BLOC1S4: variants seen among roughly 807,000 people sequenced by gnomAD.
BLOC1S4 encodes the protein biogenesis of lysosomal organelles complex 1 subunit 4.
For missense variants in BLOC1S4, 332 were observed against 308.8 expected (o/e 1.07, Z -0.56); for synonymous variants, 179 against 143.7 (o/e 1.25, Z -1.76).
chr4:6,716,556 A>G lies in BLOC1S4; in HGVS notation c.347A>G (p.Glu116Gly), dbSNP rs1714912780. The G allele has an allele frequency of 6.3e-7, 1 of 1,574,934 alleles. No individual in the cohort carries two copies. The highest frequency in any genetic ancestry group is 1.8e-5 in the Admixed American group (1 of 55,232). Residue 116 changes from glutamate (E) to glycine (G), a missense_variant, in exon 1 of 1, where the codon GAG becomes GGG. Glu to Gly is a moderately conservative substitution (Grantham distance 98). Coordinates refer to ENST00000320776, the MANE Select transcript of BLOC1S4 (RefSeq NM_018366.3). ...GGCGACTCGTCCCACGTCGTCAGCG[A>G]GGGCGTGCCGCGCATCCACGCGAAG... ...LRGDSSHVVS[E>G]GVPRIHAKAA...
Position 6,716,301 on chromosome 4 carries a change from G to C in BLOC1S4, c.92G>C (p.Gly31Ala). The C allele has an allele frequency of 8.1e-7, 1 of 1,234,164 alleles. No homozygotes were observed. Among genetic ancestry groups the C allele is most frequent in the Non-Finnish European group, 1.0e-6 (1 of 989,524 alleles). The allele number at this position is 1,234,164 out of a possible 1,614,324, so 76.5% of individuals were successfully genotyped here. Residue 31 changes from glycine to alanine, a missense_variant, in exon 1 of 1, where the codon GGC (glycine) becomes GCC (alanine). Coordinates refer to ENST00000320776, the MANE Select transcript of BLOC1S4 (RefSeq NM_018366.3). ...GGCGCCGCCTGGAGCGGGGACAGTG[G>C]CACTGTTTCCCAGAGCCACAGCAGC... ...PQGAAWSGDS[G>A]TVSQSHSSAS...
At position 6,716,585 on chromosome 4, in the gene BLOC1S4, G is replaced by C; in HGVS notation, c.376G>C (p.Ala126Pro). The C allele has an allele frequency of 6.3e-7, 1 of 1,597,296 alleles. No homozygotes were observed. The highest frequency in any genetic ancestry group is 2.3e-5 in the East Asian group (1 of 44,338). ...EGVPRIHAKAAEMRRIYSRID... is the reference protein window; with the variant it reads ...EGVPRIHAKAPEMRRIYSRID... The stretch of plus-strand genomic sequence containing the variant: ...CGTGCCGCGCATCCACGCGAAGGCC[G>C]CCGAGATGCGGCGCATCTACAGCAG... Residue 126 changes from alanine to proline, a missense_variant, in exon 1 of 1, where the codon GCC (alanine) becomes CCC (proline). Transcript: ENST00000320776.
chr4:6,716,827 C>T lies in BLOC1S4; in HGVS notation c.618C>T (p.Asp206=). ...YEAPVLFRTE[D]YFPCCSERPQ... is the part of the protein sequence containing the mutation. ...CCCCCGTCCTGTTTCGGACCGAAGACTACTTCCCTTGTTGCAGTGAAAGGC... is the reference window on the plus strand; with the variant it reads ...CCCCCGTCCTGTTTCGGACCGAAGATTACTTCCCTTGTTGCAGTGAAAGGC... The change falls in exon 1 of 1, where the codon GAC becomes GAT. Residue 206 remains aspartate, a synonymous_variant. Transcript: ENST00000320776. 1.9e-6 allele frequency: 3 copies of T among 1,609,022 alleles called. No individual in the cohort carries two copies. Among genetic ancestry groups the T allele is most frequent in the South Asian group, 1.1e-5 (1 of 90,910 alleles).
rs780062460 is a variant in BLOC1S4 at position 6,716,707 on chromosome 4, C to T, written c.498C>T (p.Phe166=). The part of the protein sequence containing the change: ...VTKAEAELGT[F]PRAFKKLLHT... ...AGGCCGAGGCCGAGCTGGGCACCTT[C>T]CCCAGGGCGTTCAAGAAGCTCCTGC... Residue 166 remains phenylalanine, a synonymous_variant, in exon 1 of 1, where the codon TTC becomes TTT. Transcript: ENST00000320776. 12 of 1,612,956 alleles carry T rather than the reference C, an allele frequency of 7.4e-6. No individual in the cohort carries two copies. Among genetic ancestry groups the T allele is most frequent in the Non-Finnish European group, 8.5e-7 (1 of 1,179,906 alleles).
Position 6,716,205 on chromosome 4 carries a change from G to A in BLOC1S4, c.-5G>A. Reference sequence around the variant, plus strand: ...GAGCGCTGCGCAGTCGGGTGGTCGCGGGCCATGGAGGGTAGCTTTTCGGAT... The same window carrying A: ...GAGCGCTGCGCAGTCGGGTGGTCGCAGGCCATGGAGGGTAGCTTTTCGGAT... On this transcript the variant is annotated 5_prime_UTR_variant, in exon 1 of 1. Transcript: ENST00000320776. The A allele has an allele frequency of 8.1e-7, 1 of 1,233,074 alleles. No homozygotes were observed. Among genetic ancestry groups the A allele is most frequent in the South Asian group, 4.1e-5 (1 of 24,322 alleles). The allele number at this position is 1,233,074 out of a possible 1,614,324, so 76.4% of individuals were successfully genotyped here.
Position 6,717,481 on chromosome 4 carries a change from T to C in BLOC1S4, c.*618T>C, listed in dbSNP as rs1326572424. 1.8e-5 allele frequency: 3 copies of C among 166,810 alleles called. No individual in the cohort carries two copies. Among genetic ancestry groups the C allele is most frequent in the Non-Finnish European group, 4.4e-5 (3 of 68,122 alleles). 10.3% of individuals were successfully genotyped at this position (166,810 alleles called of 1,614,324 possible). A position where few individuals can be genotyped will look rare whatever the true frequency, so the allele number is the denominator to read the frequency against. On this transcript the variant is annotated 3_prime_UTR_variant, in exon 1 of 1. Transcript: ENST00000320776. ...AAATGGTACAATTTCTGAGAATATA[T>C]GTTGATTTTTTGTGACTAATTCCAA... is the stretch of plus-strand genomic sequence containing the variant.
rs905927102 is a variant in BLOC1S4, at chr4:6,716,449, C to G, written c.240C>G (p.Pro80=). Residue 80 remains proline (P), a synonymous_variant, in exon 1 of 1, where the codon CCC becomes CCG. Coordinates refer to ENST00000320776, the MANE Select transcript of BLOC1S4 (RefSeq NM_018366.3). ...ACLLPGAGAR[P]EVEALDASLE... ...TGCTGCCCGGGGCCGGGGCGCGGCC[C>G]GAGGTCGAGGCCCTGGACGCGAGCC... is the stretch of plus-strand genomic sequence containing the variant. 4 of 1,532,660 alleles carry G rather than the reference C, an allele frequency of 2.6e-6. No homozygotes were observed. Among genetic ancestry groups the G allele is most frequent in the South Asian group, 1.2e-5 (1 of 83,848 alleles). 94.9% of individuals were successfully genotyped at this position (1,532,660 alleles called of 1,614,324 possible). A position where few individuals can be genotyped will look rare whatever the true frequency, so the allele number is the denominator to read the frequency against.
chr4:6,716,770 T>G lies in BLOC1S4; in HGVS notation c.561T>G (p.Ala187=), dbSNP rs1196257816. The G allele has an allele frequency of 6.2e-7, 1 of 1,613,920 alleles. No homozygotes were observed. Among genetic ancestry groups the G allele is most frequent in the South Asian group, 1.1e-5 (1 of 91,054 alleles). ...MNVPSLFSKS[A]PSRPQQAGYE... ...TGCCCTCGCTCTTTAGCAAGTCTGCTCCCTCGAGGCCACAGCAAGCCGGCT... is the reference window on the plus strand; with the variant it reads ...TGCCCTCGCTCTTTAGCAAGTCTGCGCCCTCGAGGCCACAGCAAGCCGGCT... Residue 187 remains alanine, a synonymous_variant, in exon 1 of 1, where the codon GCT becomes GCG. Coordinates refer to ENST00000320776, the MANE Select transcript of BLOC1S4 (RefSeq NM_018366.3).
Position 6,716,693 on chromosome 4 carries a change from G to A in BLOC1S4, c.484G>A (p.Glu162Lys), listed in dbSNP as rs780984539. Residue 162 changes from glutamate (E) to lysine (K), a missense_variant, in exon 1 of 1, where the codon GAG becomes AAG. Coordinates refer to ENST00000320776, the MANE Select transcript of BLOC1S4 (RefSeq NM_018366.3). ...GGAGCAGGTCACCAAGGCCGAGGCCGAGCTGGGCACCTTCCCCAGGGCGTT... is the reference window on the plus strand; with the variant it reads ...GGAGCAGGTCACCAAGGCCGAGGCCAAGCTGGGCACCTTCCCCAGGGCGTT... ...MEEQVTKAEA[E>K]LGTFPRAFKK... is the part of the protein sequence containing the mutation. The A allele has an allele frequency of 1.9e-6, 3 of 1,612,494 alleles. No homozygotes were observed. The highest frequency in any genetic ancestry group is 2.7e-5 in the African/African-American group (2 of 74,958).
In BLOC1S4 at chr4:6,717,072, G is replaced by A; in HGVS notation, c.*209G>A. ...AGTTTAAAAAAAGAGACAGGGTCTT[G>A]GTATGTTGCCCAGACTGTTCGGAAA... On this transcript the variant is annotated 3_prime_UTR_variant, in exon 1 of 1. Transcript: ENST00000320776. 1 of 535,330 alleles carries A rather than the reference G, an allele frequency of 1.9e-6. No individual in the cohort carries two copies. The highest frequency in any genetic ancestry group is 3.3e-6 in the Non-Finnish European group (1 of 300,894). The allele number at this position is 535,330 out of a possible 1,614,324, so 33.2% of individuals were successfully genotyped here. A position where few individuals can be genotyped will look rare whatever the true frequency, so the allele number is the denominator to read the frequency against.
chr4:6,717,573 G>GTA lies in BLOC1S4; in HGVS notation c.*720_*721dup, dbSNP rs1006346509. On this transcript the variant is annotated 3_prime_UTR_variant, in exon 1 of 1. Transcript: ENST00000320776. ...ATAGCAAACATATGTGTGTGTGTGT[G>GTA]TATATATATATGTGGGTTGCCAATG... 15 of 165,932 alleles carry GTA rather than the reference G, an allele frequency of 9.0e-5. No individual in the cohort carries two copies. The highest frequency in any genetic ancestry group is 3.3e-4 in the Admixed American group (5 of 15,258). The allele number at this position is 165,932 out of a possible 1,614,324, so 10.3% of individuals were successfully genotyped here. A position where few individuals can be genotyped will look rare whatever the true frequency, so the allele number is the denominator to read the frequency against.
Position 6,716,821 on chromosome 4 carries a change from C to T in BLOC1S4, c.612C>T (p.Thr204=), listed in dbSNP as rs35013424. 9.3e-4 allele frequency: 1,500 copies of T among 1,611,896 alleles called. 11 individuals are homozygous for T. In the African/African-American group the frequency reaches 0.018, roughly 19 times the overall value. ...ACGAAGCCCCCGTCCTGTTTCGGAC[C>T]GAAGACTACTTCCCTTGTTGCAGTG... ...AGYEAPVLFR[T]EDYFPCCSER... Residue 204 remains threonine, a synonymous_variant, in exon 1 of 1, where the codon ACC becomes ACT. Transcript: ENST00000320776.
chr4:6,716,618 C>G lies in BLOC1S4; in HGVS notation c.409C>G (p.Arg137Gly), dbSNP rs757818154. Residue 137 changes from arginine to glycine, a missense_variant, in exon 1 of 1, where the codon CGG becomes GGG. Arg to Gly is a moderately radical substitution (Grantham distance 125). Coordinates refer to ENST00000320776, the MANE Select transcript of BLOC1S4 (RefSeq NM_018366.3). ...GCGGCGCATCTACAGCAGGATCGAC[C>G]GGCTGGAGGCCTTCGTGAGGATGGT... ...EMRRIYSRID[R>G]LEAFVRMVGG... The G allele has an allele frequency of 6.8e-6, 11 of 1,607,182 alleles. No homozygotes were observed. In the South Asian group the frequency reaches 8.8e-5, roughly 13 times the overall value.
Position 6,716,289 on chromosome 4 carries a change from G to T in BLOC1S4, c.80G>T (p.Ser27Ile), listed in dbSNP as rs1410079449. The T allele has an allele frequency of 8.1e-7, 1 of 1,233,318 alleles. No individual in the cohort carries two copies. Among genetic ancestry groups the T allele is most frequent in the East Asian group, 3.2e-5 (1 of 31,640 alleles). The allele number at this position is 1,233,318 out of a possible 1,614,324, so 76.4% of individuals were successfully genotyped here. A position where few individuals can be genotyped will look rare whatever the true frequency, so the allele number is the denominator to read the frequency against. ...EEAEPQGAAWSGDSGTVSQSH... is the reference protein window; with the variant it reads ...EEAEPQGAAWIGDSGTVSQSH... Reference sequence around the variant, plus strand: ...GCCGAGCCGCAGGGCGCCGCCTGGAGCGGGGACAGTGGCACTGTTTCCCAG... The same window carrying T: ...GCCGAGCCGCAGGGCGCCGCCTGGATCGGGGACAGTGGCACTGTTTCCCAG... The change falls in exon 1 of 1, where the codon AGC becomes ATC. Residue 27 changes from serine to isoleucine, a missense_variant. By Grantham distance (142) the Ser-to-Ile change is moderately radical (BLOSUM62 -2). Transcript: ENST00000320776.
In BLOC1S4 at chr4:6,716,633, G is replaced by T. The variant is rs1241339855; in HGVS notation, c.424G>T (p.Val142Leu). Residue 142 changes from valine to leucine, a missense_variant, in exon 1 of 1, where the codon GTG becomes TTG. By Grantham distance (32) the Val-to-Leu change is conservative. Transcript: ENST00000320776. ...YSRIDRLEAF[V>L]RMVGGRVARM... Reference sequence around the variant, plus strand: ...CAGGATCGACCGGCTGGAGGCCTTCGTGAGGATGGTGGGGGGCCGCGTGGC... The same window carrying T: ...CAGGATCGACCGGCTGGAGGCCTTCTTGAGGATGGTGGGGGGCCGCGTGGC... 2.5e-6 allele frequency: 4 copies of T among 1,608,750 alleles called. No individual in the cohort carries two copies. Among genetic ancestry groups the T allele is most frequent in the Non-Finnish European group, 3.4e-6 (4 of 1,179,490 alleles).
chr4:6,717,273 G>C lies in BLOC1S4; in HGVS notation c.*410G>C, dbSNP rs1714937461. On this transcript the variant is annotated 3_prime_UTR_variant, in exon 1 of 1. Transcript: ENST00000320776. ...CTGTGGCAAAACTGTTATTTTTATGGATTTTACTAAATGGCGTTACCTTTT... is the reference window on the plus strand; with the variant it reads ...CTGTGGCAAAACTGTTATTTTTATGCATTTTACTAAATGGCGTTACCTTTT... 1 of 171,084 alleles carries C rather than the reference G, an allele frequency of 5.8e-6. No homozygotes were observed. Among genetic ancestry groups the C allele is most frequent in the Admixed American group, 6.5e-5 (1 of 15,418 alleles). 10.6% of individuals were successfully genotyped at this position (171,084 alleles called of 1,614,324 possible).
rs914960756 is a variant in BLOC1S4, at chr4:6,716,250, G to T, written c.41G>T (p.Gly14Val). The T allele has an allele frequency of 2.4e-6, 3 of 1,234,138 alleles. No individual in the cohort carries two copies. Among genetic ancestry groups the T allele is most frequent in the Non-Finnish European group, 3.0e-6 (3 of 988,136 alleles). 76.4% of individuals were successfully genotyped at this position (1,234,138 alleles called of 1,614,324 possible). ...TCGGATGGCGGAGCGCTGCCGGAGGGGCTCGCGGAAGAGGCCGAGCCGCAG... is the reference window on the plus strand; with the variant it reads ...TCGGATGGCGGAGCGCTGCCGGAGGTGCTCGCGGAAGAGGCCGAGCCGCAG... ...SFSDGGALPE[G>V]LAEEAEPQGA... Residue 14 changes from glycine to valine, a missense_variant, in exon 1 of 1, where the codon GGG becomes GTG. Coordinates refer to ENST00000320776, the MANE Select transcript of BLOC1S4 (RefSeq NM_018366.3).
At position 6,716,245 on chromosome 4, in the gene BLOC1S4, G is replaced by C; in HGVS notation, c.36G>C (p.Pro12=). ...GCTTTTCGGATGGCGGAGCGCTGCC[G>C]GAGGGGCTCGCGGAAGAGGCCGAGC... The part of the protein sequence containing the change: ...EGSFSDGGAL[P]EGLAEEAEPQ... Residue 12 remains proline (P), a synonymous_variant, in exon 1 of 1, where the codon CCG becomes CCC. Coordinates refer to ENST00000320776, the MANE Select transcript of BLOC1S4 (RefSeq NM_018366.3). 8.1e-7 allele frequency: 1 copy of C among 1,234,138 alleles called. No individual in the cohort carries two copies. Among genetic ancestry groups the C allele is most frequent in the East Asian group, 3.2e-5 (1 of 31,674 alleles). 76.4% of individuals were successfully genotyped at this position (1,234,138 alleles called of 1,614,324 possible). A position where few individuals can be genotyped will look rare whatever the true frequency, so the allele number is the denominator to read the frequency against.
In BLOC1S4 at chr4:6,716,488, T is replaced by A. The variant is rs1054344665; in HGVS notation, c.279T>A (p.Leu93=). ...EALDASLEDL[L]TRVDEFVGML... Reference sequence around the variant, plus strand: ...TGGACGCGAGCCTAGAGGACCTGCTTACCAGAGTGGACGAGTTCGTGGGCA... The same window carrying A: ...TGGACGCGAGCCTAGAGGACCTGCTAACCAGAGTGGACGAGTTCGTGGGCA... Residue 93 remains leucine (L), a synonymous_variant, in exon 1 of 1, where the codon CTT becomes CTA. Transcript: ENST00000320776. 1 of 1,537,416 alleles carries A rather than the reference T, an allele frequency of 6.5e-7. No individual in the cohort carries two copies. Among genetic ancestry groups the A allele is most frequent in the Non-Finnish European group, 8.7e-7 (1 of 1,146,766 alleles).
Sources: allele counts gnomAD v4.1 joint callset, GRCh38; gene constraint gnomAD v4.1.1; transcripts MANE v1.5; gene names NCBI Gene and HGNC (gene_info 2026-07-23, HGNC 2026-07-21).